The following MSANTD5 variants were observed in gnomAD, a reference collection of about 807,000 sequenced individuals.
MSANTD5 encodes the protein Myb/SANT DNA binding domain containing 5, also known as uncharacterized protein MSANTD5.
At chr5:178,694,207 T>G (rs1765386360), downstream of MSANTD5, among the ~76,000 whole-genome samples, 2 of 150,304 alleles carry the variant, frequency 1.3e-5, no homozygotes, top group Non-Finnish European at 3.0e-5. Flanking sequence ...ATCCCAGCTA[T>G]TCAGGAGGCT....
the MSANTD5 span, among the ~76,000 whole-genome samples, chr5:178,704,358 C>A: frequency 1.1e-4 from 17 of 152,118 alleles, no homozygotes; most frequent in African/African-American, 4.1e-4. Context: ...AGCCCTCCTG[C>A]ATAGGATTAG....
At chr5:178,700,038 A>T (rs1561610328), upstream of MSANTD5, among the ~76,000 whole-genome samples, 1 of 152,108 alleles carries the variant, frequency 6.6e-6, no homozygotes, top group African/African-American at 2.4e-5. Flanking sequence ...TTTCCTGAAC[A>T]CACTGGGCAC....
the MSANTD5 span, among the ~76,000 whole-genome samples, chr5:178,704,328 T>C: frequency 6.6e-6 from 1 of 152,152 alleles, no homozygotes; most frequent in African/African-American, 2.4e-5. Flanking sequence ...TGATTAAGAC[T>C]AGCTGAGTCA....
upstream of MSANTD5, among the ~76,000 whole-genome samples, chr5:178,701,315 C>A (rs1268856027): frequency 6.6e-6 from 1 of 151,976 alleles, no homozygotes; most frequent in East Asian, 1.9e-4. Flanking sequence ...ATCATCTAAT[C>A]TAGGGGATAC....
chr5:178,704,937 C>T, the MSANTD5 span, among the ~76,000 whole-genome samples: 91 of 152,206 alleles, frequency 6.0e-4, no homozygotes, highest in African/African-American at 2.2e-3. Context: ...AGGCAGTGAC[C>T]ATCGCTGTGC....
At chr5:178,693,885 T>A (rs1018259490), downstream of MSANTD5, among the ~76,000 whole-genome samples, 1 of 152,020 alleles carries the variant, frequency 6.6e-6, no homozygotes, top group African/African-American at 2.4e-5. Flanking sequence ...CACCTCTCAA[T>A]GAGACCACCC....
the MSANTD5 span, among the ~76,000 whole-genome samples, chr5:178,702,963 A>C: frequency 6.6e-6 from 1 of 152,202 alleles, no homozygotes; most frequent in African/African-American, 2.4e-5. Flanking sequence ...AGGCCAGAGA[A>C]GAGAGCAGTC....
upstream of MSANTD5, among the ~76,000 whole-genome samples, chr5:178,702,624 GTCTC>G (rs997632653): frequency 2.2e-4 from 33 of 149,782 alleles, no homozygotes; most frequent in Middle Eastern, 3.4e-3. Flanking sequence ...TCAAGACAGA[GTCTC>G]TCTCTGTTGC....
At chr5:178,699,494 C>T (rs1352596580), upstream of MSANTD5, among the ~76,000 whole-genome samples, 2 of 151,148 alleles carry the variant, frequency 1.3e-5, no homozygotes, top group Non-Finnish European at 1.5e-5. Context: ...GTGATGCAAC[C>T]TCTGCCTCCT....
the MSANTD5 span, among the ~76,000 whole-genome samples, chr5:178,704,657 G>A: frequency 0.23 from 35,242 of 152,158 alleles, 4,452 homozygotes; most frequent in South Asian, 0.36. Context: ...GAGATTTGGG[G>A]AGCAAGTCAG....
intron 1 of MSANTD5, among the ~76,000 whole-genome samples, chr5:178,697,202 C>T (rs1016744832): frequency 6.6e-6 from 1 of 152,190 alleles, no homozygotes; most frequent in Non-Finnish European, 1.5e-5. Context: ...CGCCTGTAAT[C>T]CCAGCACTTT....
chr5:178,697,432 C>T (rs1043254551), intron 1 of MSANTD5, among the ~76,000 whole-genome samples, 154 bp downstream of exon 1: 14 of 151,998 alleles, frequency 9.2e-5, no homozygotes, highest in African/African-American at 1.7e-4. Context: ...CCAGCCTGGG[C>T]GACAGAGCGA....
At chr5:178,697,263 G>C (rs1033277095) in intron 1 of MSANTD5, among the ~76,000 whole-genome samples, 1 of 133,122 alleles carries the variant, frequency 7.5e-6, no homozygotes, top group African/African-American at 2.6e-5. Flanking sequence ...GACCATCCTG[G>C]CTAACACGGT....
chr5:178,705,289 GC>G, the MSANTD5 span, among the ~76,000 whole-genome samples: 1 of 151,898 alleles, frequency 6.6e-6, no homozygotes, highest in Non-Finnish European at 1.5e-5. Context: ...CTCGTGATCT[GC>G]CCGCCTCGGT....
the MSANTD5 span, among the ~76,000 whole-genome samples, chr5:178,703,009 G>C: frequency 1.3e-5 from 2 of 152,228 alleles, no homozygotes; most frequent in East Asian, 3.9e-4. Context: ...CCACTGTGCA[G>C]ACAGAGCCCA....
At chr5:178,695,327 G>A (rs894202124) in exon 3 of MSANTD5, 1 of 152,370 alleles carries the variant, frequency 6.6e-6, no homozygotes, top group Non-Finnish European at 1.5e-5. Flanking sequence ...CCAGAATCCT[G>A]TGCAGGGCCT....
At chr5:178,702,291 C>CTTTTT (rs906079918), upstream of MSANTD5, among the ~76,000 whole-genome samples, 41 of 142,182 alleles carry the variant, frequency 2.9e-4, no homozygotes, top group African/African-American at 1.0e-3. Flanking sequence ...ATTTTTCTTT[C>CTTTTT]TTTTTTTTTC....
upstream of MSANTD5, among the ~76,000 whole-genome samples, chr5:178,702,291 C>CTTTTTTT (rs906079918): frequency 3.5e-5 from 5 of 142,186 alleles, no homozygotes; most frequent in African/African-American, 1.3e-4. Context: ...ATTTTTCTTT[C>CTTTTTTT]TTTTTTTTTC....
the MSANTD5 span, among the ~76,000 whole-genome samples, chr5:178,702,901 T>A: frequency 3.3e-5 from 5 of 152,048 alleles, no homozygotes; most frequent in African/African-American, 1.2e-4. Context: ...CTGGCCCATG[T>A]CAATTTTCCC....
Sources: gnomAD v4.1 joint callset for allele counts (sites outside exome capture counted in the v4.1 genomes callset) on GRCh38, gnomAD v4.1.1 for gene constraint, MANE v1.5 for transcripts, NCBI Gene and HGNC (gene_info 2026-07-23, HGNC 2026-07-21) for gene names.